The following MGAT4C variants were observed in gnomAD, a reference collection of about 807,000 sequenced individuals.
The protein encoded by MGAT4C is MGAT4 family member C.
In MGAT4C, 19 loss-of-function variants were observed where a neutral mutation model predicts 40.1. That is an observed-to-expected ratio of 0.47 (90% CI 0.33 to 0.70). The LOEUF (loss-of-function observed/expected upper bound fraction) is 0.70. Ranked by LOEUF, MGAT4C falls within the 30% of genes least tolerant of loss-of-function variation. The probability of loss-of-function intolerance (pLI) is 0.02; values close to 1 mark genes in which losing one functional copy is unlikely to be tolerated. For missense variants in MGAT4C, 491 were observed against 563.2 expected (o/e 0.87, Z 1.30); for synonymous variants, 181 against 187.1 (o/e 0.97, Z 0.27).
At chr12:86,799,960 GT>G (rs1952197039) in intron 1 of MGAT4C, among the ~76,000 whole-genome samples, 1 of 151,848 alleles carries the variant, frequency 6.6e-6, no homozygotes, top group Non-Finnish European at 1.5e-5. Context: ...GCATTGAGTT[GT>G]TTAAATATGA....
At chr12:86,217,624 G>A (rs1053494563) in intron 1 of MGAT4C, among the ~76,000 whole-genome samples, 2 of 152,058 alleles carry the variant, frequency 1.3e-5, no homozygotes, top group Non-Finnish European at 2.9e-5. Flanking sequence ...GCTTCCCACT[G>A]TTCACTGGAA....
At chr12:86,535,156 CT>C (rs1959047874) in intron 2 of MGAT4C, among the ~76,000 whole-genome samples, 1 of 152,080 alleles carries the variant, frequency 6.6e-6, no homozygotes, top group Non-Finnish European at 1.5e-5. Context: ...TGAAAAGCAT[CT>C]TTAACATATT....
intron 1 of MGAT4C, among the ~76,000 whole-genome samples, chr12:86,244,567 C>T (rs4842468): frequency 0.093 from 14,179 of 152,210 alleles, 836 homozygotes; most frequent in Middle Eastern, 0.23. Context: ...TTCTACTCTG[C>T]GCTAGCACTG....
intron 2 of MGAT4C, among the ~76,000 whole-genome samples, chr12:86,046,122 T>C (rs1892375778): frequency 6.6e-6 from 1 of 152,190 alleles, no homozygotes; most frequent in Admixed American, 6.5e-5. Context: ...CTTTACCTTG[T>C]TTCCATGTTG....
At chr12:86,159,348 G>A (rs966180406) in intron 1 of MGAT4C, among the ~76,000 whole-genome samples, 3 of 150,656 alleles carry the variant, frequency 2.0e-5, no homozygotes, top group Admixed American at 6.6e-5. Context: ...TGTTGAACCC[G>A]CCTCACATCT....
At chr12:86,249,323 C>T (rs970820581) in intron 1 of MGAT4C, among the ~76,000 whole-genome samples, 1 of 152,162 alleles carries the variant, frequency 6.6e-6, no homozygotes, top group Non-Finnish European at 1.5e-5. Flanking sequence ...TTAATCACCC[C>T]ATCCAACATT....
intron 2 of MGAT4C, among the ~76,000 whole-genome samples, chr12:86,558,137 A>G (rs531940825): frequency 6.6e-6 from 1 of 152,092 alleles, no homozygotes; most frequent in Non-Finnish European, 1.5e-5. Context: ...TCTGAACTTG[A>G]AAAGTTTTTT....
chr12:86,054,761 G>C (rs1305210197), intron 1 of MGAT4C, among the ~76,000 whole-genome samples: 2 of 151,752 alleles, frequency 1.3e-5, no homozygotes, highest in Non-Finnish European at 2.9e-5. Flanking sequence ...CAGAAACACA[G>C]TGGGTTTCTG....
intron 2 of MGAT4C, among the ~76,000 whole-genome samples, chr12:86,713,037 C>T (rs765013264): frequency 1.3e-5 from 2 of 151,972 alleles, no homozygotes; most frequent in African/African-American, 4.8e-5. Flanking sequence ...TCTGTAGACC[C>T]AGTTTTGATT....
At chr12:86,295,042 A>C (rs1022780447) in intron 4 of MGAT4C, among the ~76,000 whole-genome samples, 3 of 152,166 alleles carry the variant, frequency 2.0e-5, no homozygotes, top group African/African-American at 7.2e-5. Flanking sequence ...AATTACATGG[A>C]GAATGGTTCT....
intron 3 of MGAT4C, among the ~76,000 whole-genome samples, chr12:86,392,889 C>T (rs375412475): frequency 6.6e-6 from 1 of 151,980 alleles, no homozygotes; most frequent in Non-Finnish European, 1.5e-5. Flanking sequence ...ATTATTGATC[C>T]AAATATTAAC....
At chr12:86,205,138 C>G (rs989502297) in intron 1 of MGAT4C, among the ~76,000 whole-genome samples, 1 of 151,602 alleles carries the variant, frequency 6.6e-6, no homozygotes, top group Admixed American at 6.6e-5. Flanking sequence ...ATGCTCAGAG[C>G]AGAAAGTTAG....
rs1475185870 is a variant in MGAT4C at position 85,958,205 on chromosome 12, A to G, written c.*21084T>C. On this transcript the variant is annotated 3_prime_UTR_variant, in exon 5 of 5. Transcript: ENST00000611864. Reference sequence around the variant, plus strand: ...TCCTGCCTCGGCCGCCTGAGTAGCTAGGACCACAGGCGTGCTCTACCACAC... The same window carrying G: ...TCCTGCCTCGGCCGCCTGAGTAGCTGGGACCACAGGCGTGCTCTACCACAC... 6.6e-6 allele frequency: 1 copy of G among 152,000 alleles called. No individual in the cohort carries two copies. The highest frequency in any genetic ancestry group is 1.9e-4 in the East Asian group (1 of 5,176). 9.4% of individuals were successfully genotyped at this position (152,000 alleles called of 1,614,324 possible).
chr12:86,140,560 T>C (rs912337399), intron 1 of MGAT4C, among the ~76,000 whole-genome samples: 2 of 152,102 alleles, frequency 1.3e-5, no homozygotes, highest in Non-Finnish European at 2.9e-5. Flanking sequence ...CTAATGTAGA[T>C]GACGGGTTGA....
chr12:86,632,268 T>C (rs1014738354), intron 2 of MGAT4C, among the ~76,000 whole-genome samples: 1 of 151,952 alleles, frequency 6.6e-6, no homozygotes, highest in East Asian at 1.9e-4. Flanking sequence ...AGGTGCTGGA[T>C]AGGATGTAGA....
At chr12:86,562,027 G>A (rs1460320409) in intron 2 of MGAT4C, among the ~76,000 whole-genome samples, 6 of 152,084 alleles carry the variant, frequency 3.9e-5, no homozygotes, top group African/African-American at 1.4e-4. Context: ...GAGAGGCAAG[G>A]AGTTTAGTGA....
intron 2 of MGAT4C, among the ~76,000 whole-genome samples, chr12:86,489,877 A>G (rs549350155): frequency 6.6e-6 from 1 of 152,360 alleles, no homozygotes; most frequent in Non-Finnish European, 1.5e-5. Context: ...TAGAGAAAAA[A>G]GAATAAAAAG....
At chr12:86,510,073 C>T (rs1197493442) in intron 2 of MGAT4C, among the ~76,000 whole-genome samples, 2 of 152,096 alleles carry the variant, frequency 1.3e-5, no homozygotes, top group African/African-American at 2.4e-5. Context: ...TGCCTAATTG[C>T]CCTGGCCAGA....
At chr12:86,098,746 T>G (rs1439976011) in intron 1 of MGAT4C, among the ~76,000 whole-genome samples, 2 of 151,660 alleles carry the variant, frequency 1.3e-5, no homozygotes, top group Non-Finnish European at 3.0e-5. Flanking sequence ...ATTTTGGTGC[T>G]TCTAAACTTA....
Sources: allele counts gnomAD v4.1 joint callset (sites outside exome capture counted in the v4.1 genomes callset), GRCh38; gene constraint gnomAD v4.1.1; transcripts MANE v1.5; gene names NCBI Gene and HGNC (gene_info 2026-07-23, HGNC 2026-07-21).